Variants in VWA5B1 observed in about 807,000 individuals in gnomAD.
VWA5B1 encodes von Willebrand factor A domain containing 5B1.
A neutral mutation model predicts 118.2 loss-of-function variants in VWA5B1; 115 were observed. The observed-to-expected ratio is 0.97, with a 90% CI of 0.84 to 1.14. VWA5B1 has a LOEUF of 1.14. Among genes scored for constraint, VWA5B1 ranks in the 50% most tolerant of loss-of-function variants. VWA5B1 has a pLI of 0.00. For missense variants in VWA5B1, 1,596 were observed against 1,603.8 expected, an observed-to-expected ratio of 1.00 and a Z score of 0.08; for synonymous variants, 682 against 658.4, an observed-to-expected ratio of 1.04 and a Z score of -0.55.
intron 1 of VWA5B1, among the ~76,000 whole-genome samples, chr1:20,300,780 A>G (rs1165653960): frequency 6.6e-6 from 1 of 152,248 alleles, no homozygotes; most frequent in Non-Finnish European, 1.5e-5. Flanking sequence ...CCATGTGCTA[A>G]GAACCATAAC....
intron 8 of VWA5B1, among the ~76,000 whole-genome samples, chr1:20,326,167 A>C (rs2089373385): frequency 6.6e-6 from 1 of 152,354 alleles, no homozygotes; most frequent in African/African-American, 2.4e-5. Flanking sequence ...TATTGACGCA[A>C]GCAATGAAGA....
At chr1:20,349,030 G>A in intron 18 of VWA5B1, 1 of 271,612 alleles carries the variant, frequency 3.7e-6, no homozygotes, top group Non-Finnish European at 7.7e-6. Flanking sequence ...TGTGCAGGAG[G>A]AAGACATCAG....
At chr1:20,336,271 C>T (rs746893419) in intron 12 of VWA5B1, 32 bp from the exon 13 acceptor site, 1 of 1,357,686 alleles carries the variant, frequency 7.4e-7, no homozygotes, top group Non-Finnish European at 9.6e-7. Flanking sequence ...CCTAGCCTCA[C>T]TCCTAGCCCT....
At position 20,323,598 on chromosome 1, in the gene VWA5B1, A is replaced by G. The variant is rs60161552; in HGVS notation, c.1143+66A>G. The G allele has an allele frequency of 4.8e-3, 6,261 of 1,291,972 alleles. 230 individuals are homozygous for G. In the African/African-American group the frequency reaches 0.078, roughly 16 times the overall value. 80.0% of individuals were successfully genotyped at this position (1,291,972 alleles called of 1,614,324 possible). A position where few individuals can be genotyped will look rare whatever the true frequency, so the allele number is the denominator to read the frequency against. On this transcript the variant is annotated intron_variant, in intron 8 of 21. Coordinates refer to ENST00000289815, the MANE Select transcript of VWA5B1 (RefSeq NM_001039500.3). Reference sequence around the variant, plus strand: ...AGGGGAAATCAGCTGTGTGCCCCCAATCCAGCTTCCTCAGCACTTTCTGTT... The same window carrying G: ...AGGGGAAATCAGCTGTGTGCCCCCAGTCCAGCTTCCTCAGCACTTTCTGTT...
intron 8 of VWA5B1, among the ~76,000 whole-genome samples, 172 bp from the exon 9 acceptor site, chr1:20,327,718 A>T (rs2089430301): frequency 6.6e-6 from 1 of 152,040 alleles, no homozygotes; most frequent in African/African-American, 2.4e-5. Context: ...GCCTCTGGTC[A>T]GTGTCAGCAA....
rs1347524110 is a variant in VWA5B1, at chr1:20,345,686, G to A, written c.2764+93G>A. On this transcript the variant is annotated intron_variant, in intron 17 of 21. Coordinates refer to ENST00000289815, the MANE Select transcript of VWA5B1 (RefSeq NM_001039500.3). Reference sequence around the variant, plus strand: ...CTGAGATACAAAGGACCACAGACCAGCAGGGAGCGGGGTGAGACAGGGCCT... The same window carrying A: ...CTGAGATACAAAGGACCACAGACCAACAGGGAGCGGGGTGAGACAGGGCCT... The A allele has an allele frequency of 2.1e-6, 3 of 1,441,186 alleles. No homozygotes were observed. In the Admixed American group the frequency reaches 8.7e-5, roughly 42 times the overall value. The allele number at this position is 1,441,186 out of a possible 1,614,324, so 89.3% of individuals were successfully genotyped here.
intron 1 of VWA5B1, 84 bp downstream of exon 1, chr1:20,291,172 GTGTGTA>G (rs879048154): frequency 0.056 from 8,140 of 144,532 alleles, 441 homozygotes; most frequent in African/African-American, 0.16. Flanking sequence ...ATGAGTGTGT[GTGTGTA>G]TGTGTGTGTG....
rs755012100 is a variant in VWA5B1 at position 20,312,978 on chromosome 1, A to G, written c.282A>G (p.Pro94=). The G allele has an allele frequency of 1.9e-4, 302 of 1,551,416 alleles. 2 individuals carry two copies. The highest frequency in any genetic ancestry group is 3.3e-4 in the Middle Eastern group (2 of 6,014). Residue 94 remains proline (P), a synonymous_variant, in exon 3 of 22, where the codon CCA becomes CCG. Transcript: ENST00000289815. ...GHFDASHVRS[P]TVTGNILQDG... is the part of the protein sequence containing the mutation. ...TCGATGCCTCCCATGTTCGATCCCCAACAGTCACAGGTAAGGAGACCAGAA... is the reference window on the plus strand; with the variant it reads ...TCGATGCCTCCCATGTTCGATCCCCGACAGTCACAGGTAAGGAGACCAGAA...
rs547484662 is a variant in VWA5B1, at chr1:20,318,638, C to A, written c.758C>A (p.Ala253Asp). 6.4e-7 allele frequency: 1 copy of A among 1,550,846 alleles called. No individual in the cohort carries two copies. Among genetic ancestry groups the A allele is most frequent in the East Asian group, 2.4e-5 (1 of 40,886 alleles). ...ATTCGTGCCGACGCCGCCCCATCTG[C>A]CCGCTCGGCCAAGAGCATCATCATC... is the stretch of plus-strand genomic sequence containing the variant. ...HEIRADAAPS[A>D]RSAKSIIITL... Residue 253 changes from alanine (A) to aspartate (D), a missense_variant, in exon 6 of 22, where the codon GCC becomes GAC. Coordinates refer to ENST00000289815, the MANE Select transcript of VWA5B1 (RefSeq NM_001039500.3).
chr1:20,304,895 G>A (rs997673653), intron 1 of VWA5B1, among the ~76,000 whole-genome samples: 1 of 151,850 alleles, frequency 6.6e-6, no homozygotes, highest in Non-Finnish European at 1.5e-5. Context: ...TATCAAATAG[G>A]GATACTAAGA....
In VWA5B1 at chr1:20,330,293, C is replaced by T. The variant is rs1485757673; in HGVS notation, c.1368C>T (p.His456=). The T allele has an allele frequency of 3.2e-6, 5 of 1,551,716 alleles. No homozygotes were observed. The highest frequency in any genetic ancestry group is 4.4e-6 in the Non-Finnish European group (5 of 1,147,058). Residue 456 remains histidine, a synonymous_variant, in exon 10 of 22, where the codon CAC becomes CAT. Transcript: ENST00000289815. ...WVIRQPVHRG[H]PRLLFVITDG... is the part of the protein sequence containing the mutation. ...TCAGGCAGCCAGTGCACCGAGGCCA[C>T]CCGCGGCTCCTCTTCGTGATCACAG...
chr1:20,306,252 G>C (rs1259611982), intron 1 of VWA5B1, among the ~76,000 whole-genome samples: 1 of 152,022 alleles, frequency 6.6e-6, no homozygotes, highest in Admixed American at 6.5e-5. Context: ...GTGAGGGAGC[G>C]AGCCATGAGC....
rs1432724954 is a variant in VWA5B1 at position 20,343,264 on chromosome 1, A to T, written c.2497A>T (p.Thr833Ser). Reference sequence around the variant, plus strand: ...GTGGGAGGTGAGCTTCGAGCTGGGGACCCCTGGACCGGAGCGGGGCGGCGC... The same window carrying T: ...GTGGGAGGTGAGCTTCGAGCTGGGGTCCCCTGGACCGGAGCGGGGCGGCGC... ...LQWEVSFELG[T>S]PGPERGGAQD... The change falls in exon 16 of 22, where the codon ACC (threonine) becomes TCC (serine). Residue 833 changes from threonine (T) to serine (S), a missense_variant. Physicochemically the swap from Thr to Ser is moderately conservative, Grantham distance 58. Transcript: ENST00000289815. 12 of 1,548,320 alleles carry T rather than the reference A, an allele frequency of 7.8e-6. No homozygotes were observed. Among genetic ancestry groups the T allele is most frequent in the Non-Finnish European group, 1.7e-6 (2 of 1,146,738 alleles).
At chr1:20,329,671 T>C (rs1021672877) in intron 9 of VWA5B1, among the ~76,000 whole-genome samples, 13 of 152,178 alleles carry the variant, frequency 8.5e-5, no homozygotes, top group African/African-American at 3.1e-4. Context: ...AATTTACTCT[T>C]GCTGCAAATG....
At chr1:20,327,320 G>A (rs2089415743) in intron 8 of VWA5B1, among the ~76,000 whole-genome samples, 1 of 152,168 alleles carries the variant, frequency 6.6e-6, no homozygotes. Flanking sequence ...TCAGTGAAGT[G>A]ATGCATGTAA....
At chr1:20,333,409 G>A (rs1418549928) in intron 12 of VWA5B1, among the ~76,000 whole-genome samples, 1 of 152,178 alleles carries the variant, frequency 6.6e-6, no homozygotes, top group Admixed American at 6.5e-5. Flanking sequence ...CTCGGGAGGC[G>A]GAGTTTGCAG....
intron 5 of VWA5B1, chr1:20,318,304 G>A: frequency 4.4e-6 from 2 of 451,858 alleles, no homozygotes; most frequent in Admixed American, 3.6e-5. Flanking sequence ...CATCTGCTTG[G>A]CAGGATGCTG....
intron 9 of VWA5B1, among the ~76,000 whole-genome samples, chr1:20,329,750 G>A (rs2089490948): frequency 6.7e-6 from 1 of 149,966 alleles, no homozygotes; most frequent in Admixed American, 6.7e-5. Flanking sequence ...GCCTGGATTA[G>A]AGAAATGATT....
intron 17 of VWA5B1, among the ~76,000 whole-genome samples, chr1:20,347,620 T>A (rs568241943): frequency 2.0e-5 from 3 of 152,008 alleles, no homozygotes; most frequent in African/African-American, 7.2e-5. Flanking sequence ...TTTATTTTTA[T>A]TTTTTATTTT....
Sources: gnomAD v4.1 joint callset for allele counts (sites outside exome capture counted in the v4.1 genomes callset) on GRCh38, gnomAD v4.1.1 for gene constraint, MANE v1.5 for transcripts, NCBI Gene and HGNC (gene_info 2026-07-23, HGNC 2026-07-21) for gene names.